NAV2: variants seen among roughly 807,000 people sequenced by gnomAD.
The protein encoded by NAV2 is helicase, APC down-regulated 1.
In NAV2, 54 loss-of-function variants were observed where a neutral mutation model predicts 223.2. That is an observed-to-expected ratio of 0.24 (90% confidence interval 0.19 to 0.30). The LOEUF is 0.30. Ranked by LOEUF, NAV2 falls within the 10% of genes least tolerant of loss-of-function variation. The pLI, the probability that NAV2 is intolerant of heterozygous loss-of-function variation, is 1.00. For synonymous variants in NAV2, 1,279 were observed against 1,239.3 expected (o/e 1.03, Z -0.67); for missense variants, 2,806 against 3,147.5 (o/e 0.89, Z 2.60).
intron 1 of NAV2, among the ~76,000 whole-genome samples, chr11:19,600,451 C>T (rs2046322148): frequency 1.3e-5 from 2 of 152,150 alleles, no homozygotes; most frequent in South Asian, 4.2e-4. Context: ...TAACAGTTGC[C>T]AATATTTACC....
chr11:19,733,134 C>T (rs941471507), intron 1 of NAV2, among the ~76,000 whole-genome samples: 3 of 152,162 alleles, frequency 2.0e-5, no homozygotes, highest in African/African-American at 7.2e-5. Context: ...CTCCATTAGG[C>T]GATCTTTTGT....
chr11:20,018,425 G>T (rs2153526902), intron 11 of NAV2, among the ~76,000 whole-genome samples: 1 of 151,974 alleles, frequency 6.6e-6, no homozygotes, highest in Non-Finnish European at 1.5e-5. Flanking sequence ...GCTTAACCTG[G>T]GCTTTATGGA....
the NAV2 span, among the ~76,000 whole-genome samples, chr11:19,345,320 C>T: frequency 2.0e-5 from 3 of 152,214 alleles, no homozygotes; most frequent in Admixed American, 6.5e-5. This position sits in a 1 kb window ranked among gnomAD's most constrained non-coding sequence, Gnocchi z 5.2. Context: ...AGGTAGGAAC[C>T]CCCTATGCTG....
upstream of NAV2, among the ~76,000 whole-genome samples, chr11:19,345,747 C>A (rs552787660): frequency 2.0e-5 from 3 of 152,384 alleles, no homozygotes; most frequent in Non-Finnish European, 4.4e-5. This position sits in a 1 kb window ranked among gnomAD's most constrained non-coding sequence, Gnocchi z 5.2. Context: ...CGGCCTCCAG[C>A]GACACTGCGC....
At chr11:19,531,833 A>G (rs1007473733) in intron 1 of NAV2, among the ~76,000 whole-genome samples, 2 of 152,224 alleles carry the variant, frequency 1.3e-5, no homozygotes, top group African/African-American at 4.8e-5. Flanking sequence ...CTACCAAGAA[A>G]AAGCACTGTC....
At chr11:19,658,951 C>T (rs994962576) in intron 1 of NAV2, among the ~76,000 whole-genome samples, 4 of 152,128 alleles carry the variant, frequency 2.6e-5, no homozygotes, top group African/African-American at 9.7e-5. Context: ...CTGGGGAAAA[C>T]GAAATCAGCA....
intron 1 of NAV2, among the ~76,000 whole-genome samples, chr11:19,645,779 C>T (rs1213858782): frequency 6.6e-6 from 1 of 152,044 alleles, no homozygotes; most frequent in Non-Finnish European, 1.5e-5. Context: ...AAAACCATTA[C>T]TGCAATTGCT....
At chr11:19,608,051 G>GA (rs2046528491) in intron 1 of NAV2, among the ~76,000 whole-genome samples, 1 of 152,122 alleles carries the variant, frequency 6.6e-6, no homozygotes. Context: ...TACAGCTGAA[G>GA]AAAAAACAAT....
At chr11:19,599,369 G>A (rs1038204374) in intron 1 of NAV2, among the ~76,000 whole-genome samples, 6 of 151,922 alleles carry the variant, frequency 3.9e-5, no homozygotes, top group Non-Finnish European at 7.4e-5. Context: ...TCATCCATCC[G>A]GCCAACCTGC....
intron 1 of NAV2, among the ~76,000 whole-genome samples, chr11:19,487,290 A>G (rs936638849): frequency 1.3e-5 from 2 of 152,228 alleles, no homozygotes; most frequent in Non-Finnish European, 2.9e-5. Context: ...CCTGTTAAAA[A>G]TGTTCCTCAT....
intron 1 of NAV2, among the ~76,000 whole-genome samples, chr11:19,538,840 G>C (rs2044259617): frequency 6.6e-6 from 1 of 151,722 alleles, no homozygotes; most frequent in African/African-American, 2.4e-5. Flanking sequence ...GCTCCAATGG[G>C]TAACATCTTG....
chr11:19,872,162 A>G (rs571651974), intron 4 of NAV2, among the ~76,000 whole-genome samples: 3 of 152,312 alleles, frequency 2.0e-5, no homozygotes, highest in African/African-American at 7.2e-5. Flanking sequence ...GGCCTTATTC[A>G]TAATTTCAGG....
intron 1 of NAV2, among the ~76,000 whole-genome samples, chr11:19,728,221 G>C (rs535559271): frequency 4.6e-5 from 7 of 152,348 alleles, no homozygotes; most frequent in African/African-American, 1.4e-4. Flanking sequence ...GAGCCTGAAA[G>C]AGCACTGTTC....
intron 6 of NAV2, among the ~76,000 whole-genome samples, chr11:19,899,969 C>T (rs1343256781): frequency 6.6e-6 from 1 of 152,126 alleles, no homozygotes; most frequent in African/African-American, 2.4e-5. Context: ...TTTGTCATTG[C>T]TGGAGCTATT....
intron 1 of NAV2, among the ~76,000 whole-genome samples, chr11:19,597,009 C>T (rs1410767415): frequency 6.6e-6 from 1 of 152,226 alleles, no homozygotes; most frequent in Non-Finnish European, 1.5e-5. Context: ...CCTGACTCCA[C>T]CAACTGCCTC....
intron 1 of NAV2, among the ~76,000 whole-genome samples, chr11:19,558,505 A>G (rs1236940381): frequency 6.6e-6 from 1 of 152,248 alleles, no homozygotes; most frequent in Non-Finnish European, 1.5e-5. Context: ...CCAACAAACA[A>G]GACATGGGTT....
At chr11:19,370,748 G>A (rs910327121) in intron 1 of NAV2, among the ~76,000 whole-genome samples, 4 of 152,170 alleles carry the variant, frequency 2.6e-5, no homozygotes, top group South Asian at 2.1e-4. Flanking sequence ...ACTCCCCACC[G>A]TGCACAGATA....
chr11:19,406,692 C>T (rs141717063), intron 1 of NAV2, among the ~76,000 whole-genome samples: 22 of 152,258 alleles, frequency 1.4e-4, no homozygotes, highest in African/African-American at 4.3e-4. Flanking sequence ...GAATCTCTGT[C>T]GTCACCACTG....
At chr11:19,751,007 G>T (rs536657674) in intron 1 of NAV2, among the ~76,000 whole-genome samples, 1 of 152,312 alleles carries the variant, frequency 6.6e-6, no homozygotes, top group Admixed American at 6.5e-5. Context: ...TATCTCTTGA[G>T]AGCCAGTTGT....
Sources: gnomAD v4.1 joint callset for allele counts (sites outside exome capture counted in the v4.1 genomes callset) on GRCh38, gnomAD v4.1.1 for gene constraint, Gnocchi (gnomAD v3.1) non-coding constraint, MANE v1.5 for transcripts, NCBI Gene and HGNC (gene_info 2026-07-23, HGNC 2026-07-21) for gene names.